The following PHF21A variants were observed in gnomAD, a reference collection of about 807,000 sequenced individuals.
The protein encoded by PHF21A is BHC80a.
In PHF21A, 11 loss-of-function variants were observed where a neutral mutation model predicts 82.5. The observed-to-expected ratio is 0.13, with a 90% CI of 0.08 to 0.22. PHF21A has a LOEUF of 0.22. Among genes scored for constraint, PHF21A ranks in the 10% least tolerant of loss-of-function variants. The pLI, the probability that PHF21A is intolerant of heterozygous loss-of-function variation, is 1.00. For missense variants in PHF21A, 579 were observed against 837.8 expected, an observed-to-expected ratio of 0.69 and a Z score of 3.81; for synonymous variants, 297 against 302.8, an observed-to-expected ratio of 0.98 and a Z score of 0.20.
Position 46,053,177 on chromosome 11 carries a change from T to A in PHF21A, c.153+23577A>T, listed in dbSNP as rs188603529. Reference sequence around the variant, plus strand: ...AGTTGATTTAGTGTCCTGATAAATGTTTGGTTTCACAGAACACTAGATCAC... The same window carrying A: ...AGTTGATTTAGTGTCCTGATAAATGATTGGTTTCACAGAACACTAGATCAC... On this transcript the variant is annotated intron_variant, in intron 6 of 18. Transcript: ENST00000676320. Among the ~76,000 whole-genome samples the A allele has an allele frequency of 1.9e-3, 295 of 152,298 alleles. 1 individual carries two copies. The highest frequency in any genetic ancestry group is 2.1e-3 in the Non-Finnish European group (142 of 68,022).
intron 10 of PHF21A, among the ~76,000 whole-genome samples, chr11:45,956,032 GC>G (rs1007171897): frequency 2.0e-5 from 3 of 152,094 alleles, no homozygotes; most frequent in Non-Finnish European, 4.4e-5. Context: ...AAAGTGCTGA[GC>G]AAAAAAACCC....
intron 6 of PHF21A, among the ~76,000 whole-genome samples, chr11:46,061,217 T>C (rs1045007506): frequency 1.3e-5 from 2 of 152,172 alleles, no homozygotes; most frequent in African/African-American, 4.8e-5. Flanking sequence ...GACCCTGTAG[T>C]ATAGTTTGAA....
chr11:46,103,062 G>A lies in PHF21A; in HGVS notation c.-236-10839C>T, dbSNP rs550558421. Among the ~76,000 whole-genome samples the A allele has an allele frequency of 7.2e-5, 11 of 152,210 alleles. 1 individual carries two copies. Among genetic ancestry groups the A allele is most frequent in the African/African-American group, 2.2e-4 (9 of 41,500 alleles). The stretch of plus-strand genomic sequence containing the variant: ...GGCATCTCTACACAGGAGCACCACC[G>A]GCTGGACAGGGTCCTGCAGAGCTGA... On this transcript the variant is annotated intron_variant, in intron 1 of 18. Transcript: ENST00000676320.
At position 46,007,024 on chromosome 11, in the gene PHF21A, C is replaced by A. The variant is rs779034128; in HGVS notation, c.154-27058G>T. Among the ~76,000 whole-genome samples the A allele has an allele frequency of 2.0e-5, 3 of 152,168 alleles. No individual in the cohort carries two copies. The East Asian group carries it at 5.8e-4, about 29-fold the overall frequency. Reference sequence around the variant, plus strand: ...CACTTCACAGTTTTAATCTTTAGAGCGTTCCTGCAAGCTCGTTTTACAGGT... The same window carrying A: ...CACTTCACAGTTTTAATCTTTAGAGAGTTCCTGCAAGCTCGTTTTACAGGT... On this transcript the variant is annotated intron_variant, in intron 6 of 18. Coordinates refer to ENST00000676320, the MANE Select transcript of PHF21A (RefSeq NM_001352027.3).
intron 6 of PHF21A, among the ~76,000 whole-genome samples, chr11:46,001,980 T>C (rs1056390510): frequency 5.3e-5 from 8 of 152,298 alleles, no homozygotes; most frequent in South Asian, 2.1e-4. Flanking sequence ...AAAATACTTA[T>C]GGCAAGACGA....
intron 6 of PHF21A, among the ~76,000 whole-genome samples, chr11:46,063,280 C>T (rs1302110313): frequency 1.3e-5 from 2 of 152,176 alleles, no homozygotes; most frequent in East Asian, 3.8e-4. Flanking sequence ...TACAGTGTAG[C>T]ACTCACTCCT....
chr11:45,988,986 T>C (rs1478708292), intron 6 of PHF21A, among the ~76,000 whole-genome samples: 1 of 152,178 alleles, frequency 6.6e-6, no homozygotes, highest in Non-Finnish European at 1.5e-5. Flanking sequence ...CACCAAATAT[T>C]TGTTACAATC....
At chr11:46,016,486 C>T (rs1007926521) in intron 6 of PHF21A, among the ~76,000 whole-genome samples, 4 of 152,144 alleles carry the variant, frequency 2.6e-5, no homozygotes, top group Admixed American at 2.0e-4. Flanking sequence ...TCTCATGCAA[C>T]ACCTTTCCTA....
chr11:45,961,826 C>G (rs1398747787), intron 10 of PHF21A, among the ~76,000 whole-genome samples: 1 of 152,182 alleles, frequency 6.6e-6, no homozygotes, highest in Non-Finnish European at 1.5e-5. Context: ...AAGGCTATAT[C>G]GTAAGTCTTC....
intron 6 of PHF21A, among the ~76,000 whole-genome samples, chr11:46,054,328 AAACT>A (rs1473718345): frequency 1.3e-5 from 2 of 152,210 alleles, no homozygotes; most frequent in Non-Finnish European, 2.9e-5. Context: ...TAACTCTGAC[AAACT>A]AACAACATAC....
chr11:46,060,538 A>T (rs569618859), intron 6 of PHF21A, among the ~76,000 whole-genome samples: 1 of 152,160 alleles, frequency 6.6e-6, no homozygotes, highest in Non-Finnish European at 1.5e-5. Flanking sequence ...CTAACCACTC[A>T]TTGTGGTTCT....
chr11:45,978,950 C>A (rs1055034495), intron 7 of PHF21A, among the ~76,000 whole-genome samples: 2 of 151,916 alleles, frequency 1.3e-5, no homozygotes, highest in Admixed American at 6.6e-5. Flanking sequence ...TGTATTAGAA[C>A]AAATACATTT....
At chr11:46,011,121 T>C (rs893783469) in intron 6 of PHF21A, among the ~76,000 whole-genome samples, 3 of 152,224 alleles carry the variant, frequency 2.0e-5, no homozygotes, top group Non-Finnish European at 4.4e-5. Flanking sequence ...GATCGTGAAC[T>C]CCTTGAGGGA....
chr11:46,016,675 G>C (rs945881804), intron 6 of PHF21A, among the ~76,000 whole-genome samples: 4 of 152,090 alleles, frequency 2.6e-5, no homozygotes, highest in Admixed American at 6.6e-5. Flanking sequence ...TGTAGCTTAT[G>C]TTTTTCTCCT....
chr11:45,968,931 CAAAAAAAAAAAAA>C (rs59583388), intron 9 of PHF21A, among the ~76,000 whole-genome samples: 1,013 of 85,670 alleles, frequency 0.012, 19 homozygotes, highest in African/African-American at 0.035. Context: ...AACTCCATTG[CAAAAAAAAAAAAA>C]AAAAAAAAAA....
intron 1 of PHF21A, among the ~76,000 whole-genome samples, chr11:46,096,708 C>T (rs1593173709): frequency 6.6e-6 from 1 of 152,116 alleles, no homozygotes; most frequent in East Asian, 1.9e-4. Flanking sequence ...GTTCTTGGAA[C>T]TCTTCCCCTT....
At chr11:46,039,500 G>C (rs1228307362) in intron 6 of PHF21A, among the ~76,000 whole-genome samples, 2 of 152,172 alleles carry the variant, frequency 1.3e-5, no homozygotes, top group African/African-American at 4.8e-5. Context: ...AGCTCACCAT[G>C]ATCTTTATAA....
At position 45,996,153 on chromosome 11, in the gene PHF21A, A is replaced by AG. The variant is rs994635218; in HGVS notation, c.154-16188dup. On this transcript the variant is annotated intron_variant, in intron 6 of 18. Coordinates refer to ENST00000676320, the MANE Select transcript of PHF21A (RefSeq NM_001352027.3). ...GAGATGAGGTCTCACTGAATTGCCCAGGCTGGTCAGAAACCCCCGGCTTCA... is the reference window on the plus strand; with the variant it reads ...GAGATGAGGTCTCACTGAATTGCCCAGGGCTGGTCAGAAACCCCCGGCTTCA... 3.0e-4 allele frequency among the ~76,000 whole-genome samples: 45 copies of AG among 152,250 alleles called. 2 individuals are homozygous for AG. Among genetic ancestry groups the AG allele is most frequent in the Admixed American group, 2.9e-3 (45 of 15,282 alleles).
intron 6 of PHF21A, among the ~76,000 whole-genome samples, chr11:46,036,924 T>C (rs2096016328): frequency 6.6e-6 from 1 of 152,174 alleles, no homozygotes; most frequent in South Asian, 2.1e-4. Flanking sequence ...TTGTCCAGGC[T>C]AGTCTTGAAC....
Sources: allele counts gnomAD v4.1 joint callset (sites outside exome capture counted in the v4.1 genomes callset), GRCh38; gene constraint gnomAD v4.1.1; transcripts MANE v1.5; gene names NCBI Gene and HGNC (gene_info 2026-07-23, HGNC 2026-07-21).